Variants in MEGF9 observed in about 807,000 individuals in gnomAD.
MEGF9 encodes multiple EGF like domains 9, also known as multiple epidermal growth factor-like domains protein 9.
MEGF9 carries 6 observed loss-of-function variants against 46.8 expected under a neutral mutation model. The observed-to-expected ratio is 0.13, with a 90% CI of 0.07 to 0.25. The LOEUF (loss-of-function observed/expected upper bound fraction) is 0.25, where lower values mean the gene tolerates loss of function less well. Among genes scored for constraint, MEGF9 ranks in the 10% least tolerant of loss-of-function variants. MEGF9 has a pLI of 1.00. For synonymous variants in MEGF9, 302 were observed against 330.7 expected (o/e 0.91, Z 0.94); for missense variants, 683 against 792.4 (o/e 0.86, Z 1.66).
intron 1 of MEGF9, among the ~76,000 whole-genome samples, chr9:120,663,613 T>C (rs1197725138): frequency 1.3e-5 from 2 of 152,140 alleles, no homozygotes; most frequent in African/African-American, 4.8e-5. Flanking sequence ...TGCAACATGA[T>C]TAATGGCAAG....
intron 1 of MEGF9, among the ~76,000 whole-genome samples, chr9:120,708,789 C>T (rs1312327647): frequency 6.6e-6 from 1 of 152,170 alleles, no homozygotes; most frequent in East Asian, 1.9e-4. Context: ...AAAAGGATAA[C>T]TGAATTTAAC....
At chr9:120,637,259 T>A (rs2043581550) in intron 2 of MEGF9, among the ~76,000 whole-genome samples, 1 of 152,022 alleles carries the variant, frequency 6.6e-6, no homozygotes, top group Non-Finnish European at 1.5e-5. Flanking sequence ...CTCCCTAATG[T>A]CAAGTACCCA....
chr9:120,670,880 C>T (rs914903478), intron 1 of MEGF9, among the ~76,000 whole-genome samples: 2 of 152,186 alleles, frequency 1.3e-5, no homozygotes, highest in African/African-American at 4.8e-5. Context: ...CATTGGGTCT[C>T]TCACAATTCT....
rs59380409 is a variant in MEGF9 at position 120,622,417 on chromosome 9, C to CTTTTTTTTTTTT, written c.943+187_943+198dup. Among the ~76,000 whole-genome samples, 5 of 101,186 alleles carry CTTTTTTTTTTTT rather than the reference C, an allele frequency of 4.9e-5. 1 individual carries two copies. Among genetic ancestry groups the CTTTTTTTTTTTT allele is most frequent in the African/African-American group, 1.1e-4 (3 of 27,616 alleles). 66.4% of individuals were successfully genotyped at this position (101,186 alleles called of 152,430 possible). On this transcript the variant is annotated intron_variant, in intron 3 of 5. Transcript: ENST00000373930. ...TCTCCTTGCCTCCATAGGTATATGA[C>CTTTTTTTTTTTT]TTTTTTTTTTTTTTTTTAATTTACG...
At chr9:120,691,534 A>C in intron 1 of MEGF9, 3 of 328,644 alleles carry the variant, frequency 9.1e-6, no homozygotes, top group South Asian at 6.8e-5. Context: ...ACCAAGATTA[A>C]CTTCAATAAA....
intron 4 of MEGF9, among the ~76,000 whole-genome samples, chr9:120,611,824 A>AAGAAAGGAAGG (rs1250286017): frequency 7.3e-5 from 10 of 137,146 alleles, no homozygotes; most frequent in African/African-American, 2.8e-4. Context: ...AAAGAAAAGA[A>AAGAAAGGAAGG]AAGAAAGAAA....
intron 2 of MEGF9, among the ~76,000 whole-genome samples, chr9:120,626,284 T>C (rs2043525283): frequency 6.6e-6 from 1 of 152,216 alleles, no homozygotes; most frequent in Non-Finnish European, 1.5e-5. Flanking sequence ...AAACGAAGCA[T>C]AAGCATTGTG....
At chr9:120,662,796 A>G (rs989206687) in intron 1 of MEGF9, among the ~76,000 whole-genome samples, 1 of 152,262 alleles carries the variant, frequency 6.6e-6, no homozygotes, top group Admixed American at 6.5e-5. Context: ...AAGATCTAAA[A>G]GCCTGAAAAT....
chr9:120,709,302 G>A (rs112104622), intron 1 of MEGF9, among the ~76,000 whole-genome samples: 3,606 of 152,128 alleles, frequency 0.024, 150 homozygotes, highest in African/African-American at 0.083. Flanking sequence ...CATAATTCCA[G>A]CTAGGCAGGA....
chr9:120,644,079 A>G (rs1227313482), intron 2 of MEGF9, among the ~76,000 whole-genome samples: 2 of 152,218 alleles, frequency 1.3e-5, no homozygotes, highest in Non-Finnish European at 2.9e-5. Flanking sequence ...CAATGGCACA[A>G]TACTATTAAC....
rs115153381 is a variant in MEGF9, at chr9:120,653,966, G to A, written c.803+5408C>T. On this transcript the variant is annotated intron_variant, in intron 2 of 5. Transcript: ENST00000373930. ...GTAAGAAATAAAGGCTGGTGCCCAG[G>A]AGTAGAAACAGCAACAAGGAGGTGT... Among the ~76,000 whole-genome samples, 570 of 152,322 alleles carry A rather than the reference G, an allele frequency of 3.7e-3. 6 individuals are homozygous for A. The highest frequency in any genetic ancestry group is 0.013 in the African/African-American group (546 of 41,562).
chr9:120,617,568 T>C (rs2043477888), intron 3 of MEGF9, among the ~76,000 whole-genome samples: 1 of 152,244 alleles, frequency 6.6e-6, no homozygotes, highest in Non-Finnish European at 1.5e-5. Flanking sequence ...AGAGAGATGT[T>C]TGAATTTTAT....
intron 1 of MEGF9, among the ~76,000 whole-genome samples, chr9:120,678,536 G>A (rs2043783748): frequency 6.6e-6 from 1 of 152,176 alleles, no homozygotes; most frequent in Admixed American, 6.5e-5. Context: ...GCAGTAGCAT[G>A]ATCTTGGCTC....
In MEGF9 at chr9:120,605,044, C is replaced by T. The variant is rs772441151; in HGVS notation, c.*146G>A. 4.3e-5 allele frequency: 31 copies of T among 717,136 alleles called. No homozygotes were observed. Among genetic ancestry groups the T allele is most frequent in the East Asian group, 8.0e-5 (3 of 37,486 alleles). The allele number at this position is 717,136 out of a possible 1,614,324, so 44.4% of individuals were successfully genotyped here. A position where few individuals can be genotyped will look rare whatever the true frequency, so the allele number is the denominator to read the frequency against. On this transcript the variant is annotated 3_prime_UTR_variant, in exon 6 of 6. Transcript: ENST00000373930. This position sits in a 1 kb window ranked among gnomAD's most constrained non-coding sequence, Gnocchi z 4.0. ...AACTAAGAGCAATAGATAGGCTAAGCGCATTACAAATTTGTACCTGAAAAT... is the reference window on the plus strand; with the variant it reads ...AACTAAGAGCAATAGATAGGCTAAGTGCATTACAAATTTGTACCTGAAAAT...
chr9:120,671,671 TCTA>T (rs556509697), intron 1 of MEGF9, among the ~76,000 whole-genome samples: 16 of 152,310 alleles, frequency 1.1e-4, no homozygotes, highest in Non-Finnish European at 1.3e-4. Context: ...ACTGGAGAAT[TCTA>T]CTAAGCATTT....
chr9:120,671,956 G>T (rs185580655), intron 1 of MEGF9, among the ~76,000 whole-genome samples: 1 of 152,134 alleles, frequency 6.6e-6, no homozygotes, highest in Admixed American at 6.5e-5. Flanking sequence ...TTTGACACTT[G>T]AAAACTAATC....
At chr9:120,652,567 C>T (rs938943319) in intron 2 of MEGF9, among the ~76,000 whole-genome samples, 2 of 147,368 alleles carry the variant, frequency 1.4e-5, no homozygotes, top group Non-Finnish European at 3.0e-5. Context: ...GCTGAATCTA[C>T]GTGCCAGTCT....
At chr9:120,646,540 A>G (rs2043627135) in intron 2 of MEGF9, among the ~76,000 whole-genome samples, 1 of 152,126 alleles carries the variant, frequency 6.6e-6, no homozygotes, top group South Asian at 2.1e-4. Flanking sequence ...CCTTCCTTCA[A>G]AGCTGGGATC....
In MEGF9 at chr9:120,685,122, C is replaced by T. The variant is rs527269181; in HGVS notation, c.602-25547G>A. 3.2e-4 allele frequency among the ~76,000 whole-genome samples: 49 copies of T among 152,316 alleles called. No homozygotes were observed. The South Asian group carries it at 3.7e-3, about 12-fold the overall frequency. On this transcript the variant is annotated intron_variant, in intron 1 of 5. Transcript: ENST00000373930. ...GTGCTGGGATTACAGGCGTAAGCCA[C>T]CACACCCGGCCGGGAGGCTTCATTT...
Sources: gnomAD v4.1 joint callset for allele counts (sites outside exome capture counted in the v4.1 genomes callset) on GRCh38, gnomAD v4.1.1 for gene constraint, Gnocchi (gnomAD v3.1) non-coding constraint, MANE v1.5 for transcripts, NCBI Gene and HGNC (gene_info 2026-07-23, HGNC 2026-07-21) for gene names.